TSR1: variants seen among roughly 807,000 people sequenced by gnomAD.
TSR1 encodes pre-rRNA-processing protein TSR1 homolog.
A neutral mutation model predicts 90.9 loss-of-function variants in TSR1; 81 were observed. The ratio of observed to expected loss-of-function variants is 0.89; its 90% CI spans 0.74 to 1.07. TSR1 has a LOEUF of 1.07. TSR1 is among the 50% of genes least tolerant of loss of function. The pLI, the probability that TSR1 is intolerant of heterozygous loss-of-function variation, is 0.00. For missense variants in TSR1, 989 were observed against 987.3 expected, an observed-to-expected ratio of 1.00 and a Z score of -0.02; for synonymous variants, 362 against 348.8, an observed-to-expected ratio of 1.04 and a Z score of -0.42.
chr17:2,324,618 AC>A, intron 13 of TSR1, 40 bp from the exon 14 acceptor site: 1 of 1,614,026 alleles, frequency 6.2e-7, no homozygotes, highest in Non-Finnish European at 8.5e-7. Flanking sequence ...TGAAACATTT[AC>A]CCACAAAATG....
intron 11 of TSR1, among the ~76,000 whole-genome samples, chr17:2,326,555 A>C (rs2075577225): frequency 6.6e-6 from 1 of 152,010 alleles, no homozygotes; most frequent in Non-Finnish European, 1.5e-5. Flanking sequence ...ACACCCTTTT[A>C]AATTCTGAGA....
chr17:2,336,311 C>T lies in TSR1; in HGVS notation c.97+20G>A, dbSNP rs1457242182. ...AATAACGGCCAAATAGCCCTTATTC[C>T]TTCTACGTTATCTCCTTACCCTTGC... On this transcript the variant is annotated intron_variant, in intron 1 of 14. Coordinates refer to ENST00000301364, the MANE Select transcript of TSR1 (RefSeq NM_018128.5). 1 of 1,614,126 alleles carries T rather than the reference C, an allele frequency of 6.2e-7. No individual in the cohort carries two copies. The highest frequency in any genetic ancestry group is 1.1e-5 in the South Asian group (1 of 91,086).
intron 8 of TSR1, 147 bp downstream of exon 8, chr17:2,332,022 G>A: frequency 3.7e-6 from 3 of 818,814 alleles, no homozygotes; most frequent in East Asian, 2.7e-5. Flanking sequence ...CCGTATGTAT[G>A]TCCTGCCTTC....
In TSR1 at chr17:2,323,038, T is replaced by A; in HGVS notation, c.*1158A>T. On this transcript the variant is annotated 3_prime_UTR_variant, in exon 15 of 15. Transcript: ENST00000301364. Reference sequence around the variant, plus strand: ...CCTCGGGCTCCCAAAGTGTTGGGATTACAGGTGTGAGCCACCACACCAGGC... The same window carrying A: ...CCTCGGGCTCCCAAAGTGTTGGGATAACAGGTGTGAGCCACCACACCAGGC... 3 of 1,277,678 alleles carry A rather than the reference T, an allele frequency of 2.3e-6. No homozygotes were observed. The highest frequency in any genetic ancestry group is 3.4e-6 in the Non-Finnish European group (3 of 894,334). 79.1% of individuals were successfully genotyped at this position (1,277,678 alleles called of 1,614,324 possible).
intron 8 of TSR1, 138 bp downstream of exon 8, chr17:2,332,031 T>C: frequency 2.2e-6 from 2 of 891,028 alleles, no homozygotes; most frequent in Non-Finnish European, 3.4e-6. Flanking sequence ...TGTCCTGCCT[T>C]CCCATATTAA....
chr17:2,334,761 A>G lies in TSR1; in HGVS notation c.692T>C (p.Met231Thr). 6.2e-7 allele frequency: 1 copy of G among 1,614,238 alleles called. No homozygotes were observed. The highest frequency in any genetic ancestry group is 8.5e-7 in the Non-Finnish European group (1 of 1,180,052). ...CTGGTTAGCCAACTGCCTAAGCAGC[A>G]TCCCTGCCTCCTGTTGAGTGTCTAA... ...LLLDTQQEAG[M>T]LLRQLANQKQ... The change falls in exon 5 of 15, where the codon ATG (methionine) becomes ACG (threonine). Residue 231 changes from methionine to threonine, a missense_variant. Physicochemically the swap from Met to Thr is moderately conservative, Grantham distance 81. Transcript: ENST00000301364.
At chr17:2,335,959 G>C in intron 2 of TSR1, 78 bp downstream of exon 2, 3 of 1,464,664 alleles carry the variant, frequency 2.0e-6, no homozygotes, top group Non-Finnish European at 1.9e-6. Flanking sequence ...CCTCCTCCCG[G>C]TCTCATTTTC....
rs1293257685 is a variant in TSR1, at chr17:2,335,560, C to T, written c.372G>A (p.Leu124=). The T allele has an allele frequency of 6.2e-7, 1 of 1,614,134 alleles. No individual in the cohort carries two copies. The highest frequency in any genetic ancestry group is 1.3e-5 in the African/African-American group (1 of 75,020). ...ACCGATGTTTCAAGCGGGGGCACAG[C>T]AGCATAAAGTTCTGGGTGTTTCCCA... is the stretch of plus-strand genomic sequence containing the variant. ...NELGNTQNFM[L]LCPRLKHRWF... The change falls in exon 3 of 15, where the codon CTG becomes CTA. Residue 124 remains leucine (L), a synonymous_variant. Transcript: ENST00000301364.
At chr17:2,325,770 G>A (rs1459989429) in intron 11 of TSR1, among the ~76,000 whole-genome samples, 3 of 151,794 alleles carry the variant, frequency 2.0e-5, no homozygotes, top group Non-Finnish European at 2.9e-5. Flanking sequence ...ATGCCACCAC[G>A]CCCGGCTAAT....
chr17:2,329,042 A>G, intron 11 of TSR1: 1 of 561,990 alleles, frequency 1.8e-6, no homozygotes, highest in Middle Eastern at 2.9e-4. Context: ...GAACCACTGC[A>G]CCACTGCACC....
In TSR1 at chr17:2,324,358, C is replaced by T. The variant is rs1567781254; in HGVS notation, c.2253G>A (p.Met751Ile). 1 of 1,565,094 alleles carries T rather than the reference C, an allele frequency of 6.4e-7. No individual in the cohort carries two copies. The highest frequency in any genetic ancestry group is 1.9e-5 in the Admixed American group (1 of 51,544). Reference sequence around the variant, plus strand: ...TTAGCTTCCCATCAAAGCTGCATTTCATGTGGCCATGGGTACCTAGAAAGA... The same window carrying T: ...TTAGCTTCCCATCAAAGCTGCATTTTATGTGGCCATGGGTACCTAGAAAGA... ...IKEPLGTHGH[M>I]KCSFDGKLKS... Residue 751 changes from methionine (M) to isoleucine (I), a missense_variant, in exon 15 of 15, where the codon ATG (methionine) becomes ATA (isoleucine). Transcript: ENST00000301364.
At chr17:2,330,737 C>G in intron 9 of TSR1, 112 bp from the exon 10 acceptor site, 3 of 1,219,606 alleles carry the variant, frequency 2.5e-6, no homozygotes, top group Non-Finnish European at 3.5e-6. Flanking sequence ...AAAGCCAACC[C>G]TCATCCTTCA....
chr17:2,331,885 C>T (rs1187569655), intron 8 of TSR1, among the ~76,000 whole-genome samples: 1 of 152,206 alleles, frequency 6.6e-6, no homozygotes, highest in Non-Finnish European at 1.5e-5. Flanking sequence ...ACATTATATA[C>T]TTCAATTGAG....
Position 2,324,677 on chromosome 17 carries a change from C to T in TSR1, c.2161+12G>A. ...AAGGCAATCAGATCCCATCCTCCTCCTTCATACCCACCTCTGTTGAAGAAC... is the reference window on the plus strand; with the variant it reads ...AAGGCAATCAGATCCCATCCTCCTCTTTCATACCCACCTCTGTTGAAGAAC... On this transcript the variant is annotated intron_variant, in intron 13 of 14. Transcript: ENST00000301364. 2 of 1,614,058 alleles carry T rather than the reference C, an allele frequency of 1.2e-6. No individual in the cohort carries two copies. The highest frequency in any genetic ancestry group is 1.7e-6 in the Non-Finnish European group (2 of 1,180,016).
Position 2,323,772 on chromosome 17 carries a change from A to G in TSR1, c.*424T>C, listed in dbSNP as rs1567780807. On this transcript the variant is annotated 3_prime_UTR_variant, in exon 15 of 15. Coordinates refer to ENST00000301364, the MANE Select transcript of TSR1 (RefSeq NM_018128.5). ...AACTGTTTCCCCAGAAGTAAAGAAC[A>G]TTTGTATTGTGCTCAGTGGTGGAAA... 3 of 1,614,172 alleles carry G rather than the reference A, an allele frequency of 1.9e-6. No homozygotes were observed. Among genetic ancestry groups the G allele is most frequent in the Non-Finnish European group, 2.5e-6 (3 of 1,180,036 alleles).
At chr17:2,330,358 A>G (rs2075597851) in intron 10 of TSR1, 157 bp downstream of exon 10, 4 of 767,850 alleles carry the variant, frequency 5.2e-6, no homozygotes, top group African/African-American at 1.7e-5. Context: ...TAAAACCATC[A>G]TTGACTTCTC....
chr17:2,324,283 T>C lies in TSR1; in HGVS notation c.2328A>G (p.Lys776=). ...LMNLYKRVFP[K]WTYDPYVPEP... The stretch of plus-strand genomic sequence containing the variant: ...CTGGTACATATGGATCATAAGTCCA[T>C]TTGGGGAAGACTCGTTTATACAGGT... Residue 776 remains lysine (K), a synonymous_variant, in exon 15 of 15, where the codon AAA becomes AAG. Transcript: ENST00000301364. 1.3e-6 allele frequency: 2 copies of C among 1,556,658 alleles called. No individual in the cohort carries two copies. Among genetic ancestry groups the C allele is most frequent in the South Asian group, 1.2e-5 (1 of 80,214 alleles).
Position 2,332,958 on chromosome 17 carries a change from T to C in TSR1, c.1305+3A>G, listed in dbSNP as rs372146269. 6.2e-7 allele frequency: 1 copy of C among 1,613,120 alleles called. No individual in the cohort carries two copies. Among genetic ancestry groups the C allele is most frequent in the Admixed American group, 1.7e-5 (1 of 59,968 alleles). ...GAATTGGCCTAAGGCCTCATTTCCT[T>C]ACCTGAGATTCCTCCTCCATAAAAT... On this transcript the variant is annotated splice_donor_region_variant and intron_variant, in intron 7 of 14. Coordinates refer to ENST00000301364, the MANE Select transcript of TSR1 (RefSeq NM_018128.5).
intron 8 of TSR1, among the ~76,000 whole-genome samples, 155 bp downstream of exon 8, chr17:2,332,014 G>A (rs932235764): frequency 3.3e-5 from 5 of 152,148 alleles, no homozygotes; most frequent in African/African-American, 9.7e-5. Flanking sequence ...ACCATTTCCC[G>A]TATGTATGTC....
Sources: gnomAD v4.1 joint callset for allele counts (sites outside exome capture counted in the v4.1 genomes callset) on GRCh38, gnomAD v4.1.1 for gene constraint, MANE v1.5 for transcripts, NCBI Gene and HGNC (gene_info 2026-07-23, HGNC 2026-07-21) for gene names.